SLC66A2: variants seen among roughly 807,000 people sequenced by gnomAD.
SLC66A2 encodes PQ loop repeat containing 1.
SLC66A2 carries 23 observed loss-of-function variants against 25.5 expected under a neutral mutation model. The observed-to-expected ratio is 0.90, with a 90% CI of 0.65 to 1.28. The LOEUF is 1.28. SLC66A2 is among the 50% of genes most tolerant of loss of function. The probability of loss-of-function intolerance (pLI) is 0.00; values close to 1 mark genes in which losing one functional copy is unlikely to be tolerated. For synonymous variants in SLC66A2, 193 were observed against 166.5 expected, an observed-to-expected ratio of 1.16 and a Z score of -1.23; for missense variants, 396 against 373.1, an observed-to-expected ratio of 1.06 and a Z score of -0.51.
chr18:79,944,526 C>T (rs1987997654), intron 2 of SLC66A2: 1 of 152,430 alleles, frequency 6.6e-6, no homozygotes, highest in African/African-American at 2.4e-5. Context: ...CTCTGCCTCC[C>T]TGCGGTCTCT....
rs1298282505 is a variant in SLC66A2 at position 79,904,727 on chromosome 18, CCTTTCCTGGAGTGAACAGGGAG to C, written c.609-566_609-545del. ...CTCCCTGGTGATAGATGCAAACCTT[CCTTTCCTGGAGTGAACAGGGAG>C]CAGCCGCCACCCACCATCCCAGTCC... is the stretch of plus-strand genomic sequence containing the variant. On this transcript the variant is annotated intron_variant, in intron 5 of 5. Coordinates refer to ENST00000397778, the MANE Select transcript of SLC66A2 (RefSeq NM_025078.5). The surrounding 1 kb of genome is among the most constrained non-coding windows in gnomAD (Gnocchi z 6.3). 1.3e-5 allele frequency among the ~76,000 whole-genome samples: 2 copies of C among 152,204 alleles called. No individual in the cohort carries two copies. The highest frequency in any genetic ancestry group is 4.8e-5 in the African/African-American group (2 of 41,444).
chr18:79,943,757 G>A (rs546462991), intron 2 of SLC66A2: 43 of 334,288 alleles, frequency 1.3e-4, no homozygotes, highest in South Asian at 1.1e-3. Context: ...CACCCATGCC[G>A]CCTCTCCTGG....
Position 79,940,340 on chromosome 18 carries a change from C to T in SLC66A2, c.337+2989G>A, listed in dbSNP as rs995698485. 1.3e-5 allele frequency among the ~76,000 whole-genome samples: 2 copies of T among 152,268 alleles called. No individual in the cohort carries two copies. The highest frequency in any genetic ancestry group is 1.9e-4 in the East Asian group (1 of 5,178). On this transcript the variant is annotated intron_variant, in intron 3 of 5. Transcript: ENST00000397778. This position sits in a 1 kb window ranked among gnomAD's most constrained non-coding sequence, Gnocchi z 4.1. The stretch of plus-strand genomic sequence containing the variant: ...CACACTGGCCGGGCGCAGTGGGTCA[C>T]GCCCGTAATGCCAGCACTTCGGGAG...
intron 5 of SLC66A2, among the ~76,000 whole-genome samples, chr18:79,911,390 C>CAA (rs1260984985): frequency 6.6e-6 from 1 of 152,270 alleles, no homozygotes; most frequent in Non-Finnish European, 1.5e-5. Flanking sequence ...CACACACCAA[C>CAA]AAAGACAGAG....
In SLC66A2 at chr18:79,927,402, G is replaced by A. The variant is rs904417387; in HGVS notation, c.391+6567C>T. On this transcript the variant is annotated intron_variant, in intron 4 of 5. Coordinates refer to ENST00000397778, the MANE Select transcript of SLC66A2 (RefSeq NM_025078.5). The surrounding 1 kb of genome is among the most constrained non-coding windows in gnomAD (Gnocchi z 6.2). ...AGGAGAGCACAGACAAGAGGCCCCC[G>A]AGGCCACCAGGGCCGACTTTTACTT... 1.3e-5 allele frequency among the ~76,000 whole-genome samples: 2 copies of A among 152,202 alleles called. No homozygotes were observed. The highest frequency in any genetic ancestry group is 2.4e-5 in the African/African-American group (1 of 41,450).
chr18:79,930,353 A>G (rs1471356878), intron 4 of SLC66A2: 1 of 152,230 alleles, frequency 6.6e-6, no homozygotes, highest in African/African-American at 2.4e-5. Context: ...TCTTACATCT[A>G]GTAAAACTTT....
rs12955551 is a variant in SLC66A2, at chr18:79,921,870, T to G, written c.392-2470A>C. Among the ~76,000 whole-genome samples, 58 of 21,742 alleles carry G rather than the reference T, an allele frequency of 2.7e-3. 16 individuals carry two copies. Among genetic ancestry groups the G allele is most frequent in the Middle Eastern group, 0.031 (1 of 32 alleles). The allele number at this position is 21,742 out of a possible 152,430, so 14.3% of individuals were successfully genotyped here. ...GAACCGAGGGAGAGGTCAAGGTCAG[T>G]GAGGAGAGACGGGAACCGAGGGAGA... On this transcript the variant is annotated intron_variant, in intron 4 of 5. Coordinates refer to ENST00000397778, the MANE Select transcript of SLC66A2 (RefSeq NM_025078.5).
chr18:79,916,884 C>T (rs1043247764), intron 5 of SLC66A2, among the ~76,000 whole-genome samples: 1 of 152,260 alleles, frequency 6.6e-6, no homozygotes, highest in Non-Finnish European at 1.5e-5. Flanking sequence ...CTAACATGGC[C>T]CAGAAGTTCC....
Position 79,950,989 on chromosome 18 carries a change from C to T in SLC66A2, c.-63G>A, listed in dbSNP as rs973150680. The T allele has an allele frequency of 1.6e-6, 2 of 1,264,364 alleles. No homozygotes were observed. Among genetic ancestry groups the T allele is most frequent in the African/African-American group, 1.6e-5 (1 of 62,708 alleles). 78.3% of individuals were successfully genotyped at this position (1,264,364 alleles called of 1,614,324 possible). A position where few individuals can be genotyped will look rare whatever the true frequency, so the allele number is the denominator to read the frequency against. Reference sequence around the variant, plus strand: ...CGCCCCGCGGGCCACCGGCCGCCTGCTCATCGCCGCTCCGCGCGCTCCTGC... The same window carrying T: ...CGCCCCGCGGGCCACCGGCCGCCTGTTCATCGCCGCTCCGCGCGCTCCTGC... On this transcript the variant is annotated 5_prime_UTR_variant, in exon 2 of 6. Transcript: ENST00000397778.
intron 4 of SLC66A2, chr18:79,930,350 T>C (rs1986442711): frequency 6.6e-6 from 1 of 152,052 alleles, no homozygotes; most frequent in Non-Finnish European, 1.5e-5. Context: ...GATTCTTACA[T>C]CTAGTAAAAC....
At chr18:79,907,413 G>A (rs534803974) in intron 5 of SLC66A2, among the ~76,000 whole-genome samples, 23 of 137,714 alleles carry the variant, frequency 1.7e-4, no homozygotes, top group Admixed American at 3.9e-4. Flanking sequence ...GTGCAGTGGC[G>A]CGATCTCAGC....
At chr18:79,912,523 ACGTGT>A (rs1451996196) in intron 5 of SLC66A2, among the ~76,000 whole-genome samples, 1 of 151,530 alleles carries the variant, frequency 6.6e-6, no homozygotes, top group African/African-American at 2.4e-5. Flanking sequence ...TCGCCAGGCC[ACGTGT>A]CACCAGGCCA....
rs765554643 is a variant in SLC66A2 at position 79,947,904 on chromosome 18, G to A, written c.203+2820C>T. Among the ~76,000 whole-genome samples, 7 of 152,132 alleles carry A rather than the reference G, an allele frequency of 4.6e-5. No homozygotes were observed. In the East Asian group the frequency reaches 7.7e-4, roughly 17 times the overall value. ...CTCTGCACAGCAGGACCTGGGGACC[G>A]GGTGGGCACAAGAGGATGTGTGGTA... On this transcript the variant is annotated intron_variant, in intron 2 of 5. Coordinates refer to ENST00000397778, the MANE Select transcript of SLC66A2 (RefSeq NM_025078.5).
At chr18:79,909,243 T>C (rs1599486851) in intron 5 of SLC66A2, among the ~76,000 whole-genome samples, 1 of 152,206 alleles carries the variant, frequency 6.6e-6, no homozygotes, top group African/African-American at 2.4e-5. Context: ...CTGTCTTTCA[T>C]GTGCAACACT....
chr18:79,904,195 C>A lies in SLC66A2; in HGVS notation c.609-12G>T, dbSNP rs1359387201. On this transcript the variant is annotated splice_polypyrimidine_tract_variant and intron_variant, in intron 5 of 5. Coordinates refer to ENST00000397778, the MANE Select transcript of SLC66A2 (RefSeq NM_025078.5). The surrounding 1 kb of genome is among the most constrained non-coding windows in gnomAD (Gnocchi z 6.3). ...GCACCATCTTGATGCTGTGGAGACACAAGCAGGCGGTCAGCGGTGGGGAGG... is the reference window on the plus strand; with the variant it reads ...GCACCATCTTGATGCTGTGGAGACAAAAGCAGGCGGTCAGCGGTGGGGAGG... 1.2e-6 allele frequency: 2 copies of A among 1,612,212 alleles called. No homozygotes were observed. Among genetic ancestry groups the A allele is most frequent in the South Asian group, 1.1e-5 (1 of 91,052 alleles).
chr18:79,947,173 G>C (rs922543784), intron 2 of SLC66A2: 1 of 152,220 alleles, frequency 6.6e-6, no homozygotes, highest in Non-Finnish European at 1.5e-5. Context: ...CCTGATCCCC[G>C]CCTGGCCTCT....
chr18:79,929,451 T>C (rs151063648), intron 4 of SLC66A2, among the ~76,000 whole-genome samples: 4 of 152,296 alleles, frequency 2.6e-5, no homozygotes, highest in African/African-American at 9.6e-5. Flanking sequence ...TAAGTCATCC[T>C]TCCCCCAAGT....
intron 3 of SLC66A2, among the ~76,000 whole-genome samples, chr18:79,935,861 G>C (rs796987823): frequency 6.6e-6 from 1 of 152,204 alleles, no homozygotes; most frequent in Non-Finnish European, 1.5e-5. Flanking sequence ...CCTAGCCTTT[G>C]AGCCTCCCCA....
chr18:79,942,167 G>A (rs1274315241), intron 3 of SLC66A2, among the ~76,000 whole-genome samples: 2 of 152,244 alleles, frequency 1.3e-5, no homozygotes, highest in East Asian at 3.8e-4. Flanking sequence ...GGCAAGATCT[G>A]TGGTATCCTC....
Sources: allele counts gnomAD v4.1 joint callset (sites outside exome capture counted in the v4.1 genomes callset), GRCh38; gene constraint gnomAD v4.1.1; non-coding constraint Gnocchi (gnomAD v3.1); transcripts MANE v1.5; gene names NCBI Gene and HGNC (gene_info 2026-07-23, HGNC 2026-07-21).